Variants in TEK observed in about 807,000 individuals in gnomAD.
The protein encoded by TEK is TEK receptor tyrosine kinase, also known as angiopoietin-1 receptor.
A neutral mutation model predicts 131.8 loss-of-function variants in TEK; 43 were observed. The ratio of observed to expected loss-of-function variants is 0.33; its 90% confidence interval spans 0.26 to 0.42. The LOEUF is 0.42. Ranked by LOEUF, TEK falls within the 10% of genes least tolerant of loss-of-function variation. The pLI, the probability that TEK is intolerant of heterozygous loss-of-function variation, is 1.00. For synonymous variants in TEK, 580 were observed against 491.6 expected, an observed-to-expected ratio of 1.18 and a Z score of -2.38; for missense variants, 1,162 against 1,384.4, an observed-to-expected ratio of 0.84 and a Z score of 2.55.
chr9:27,179,436 A>G (rs1399359522), intron 6 of TEK, among the ~76,000 whole-genome samples: 1 of 152,174 alleles, frequency 6.6e-6, no homozygotes, highest in African/African-American at 2.4e-5. Context: ...GAGTCATCAC[A>G]GTTGGTCTCT....
intron 1 of TEK, among the ~76,000 whole-genome samples, chr9:27,138,576 A>C (rs1268258549): frequency 6.6e-6 from 1 of 152,194 alleles, no homozygotes; most frequent in Non-Finnish European, 1.5e-5. Flanking sequence ...TTCACCTCTC[A>C]CTTTTAAAAC....
At chr9:27,133,360 T>C (rs978272064) in intron 1 of TEK, among the ~76,000 whole-genome samples, 1 of 152,224 alleles carries the variant, frequency 6.6e-6, no homozygotes, top group Admixed American at 6.5e-5. Context: ...TTTCAAAATG[T>C]CGTGTACTTC....
At chr9:27,217,121 C>A (rs1299630588) in intron 18 of TEK, among the ~76,000 whole-genome samples, 1 of 152,198 alleles carries the variant, frequency 6.6e-6, no homozygotes, top group East Asian at 1.9e-4. Context: ...ACATAAACTA[C>A]ACTAGCTACA....
intron 1 of TEK, among the ~76,000 whole-genome samples, chr9:27,135,292 C>G (rs572437525): frequency 8.6e-5 from 13 of 151,798 alleles, no homozygotes; most frequent in African/African-American, 3.1e-4. Flanking sequence ...CATTAGCCCA[C>G]CCTTAGACCT....
intron 16 of TEK, among the ~76,000 whole-genome samples, chr9:27,211,993 T>TAA (rs771506750): frequency 0.21 from 30,650 of 143,362 alleles, 3,472 homozygotes; most frequent in East Asian, 0.48. Flanking sequence ...AACGTTTTAT[T>TAA]AAAAAAAAAA....
At chr9:27,125,489 G>A (rs1004754921) in intron 1 of TEK, among the ~76,000 whole-genome samples, 2 of 152,100 alleles carry the variant, frequency 1.3e-5, no homozygotes, top group Non-Finnish European at 2.9e-5. Flanking sequence ...TCTTTCTAAT[G>A]AAACTCATGG....
intron 2 of TEK, among the ~76,000 whole-genome samples, chr9:27,165,068 G>A (rs1823677066): frequency 6.6e-6 from 1 of 152,138 alleles, no homozygotes; most frequent in African/African-American, 2.4e-5. Context: ...TCATGCAGAG[G>A]TAAACTCTGG....
At chr9:27,201,236 T>C (rs1825202415) in intron 12 of TEK, among the ~76,000 whole-genome samples, 1 of 115,300 alleles carries the variant, frequency 8.7e-6, no homozygotes, top group Non-Finnish European at 2.0e-5. Flanking sequence ...CTTTCAGGCA[T>C]AAAATGGTAA....
chr9:27,220,232 G>C (rs73643160), intron 21 of TEK, 87 bp downstream of exon 21: 1 of 1,249,428 alleles, frequency 8.0e-7, no homozygotes, highest in Non-Finnish European at 1.2e-6. Context: ...AAGTCAGCCG[G>C]TATACACTAT....
chr9:27,222,277 G>A (rs1369103843), intron 21 of TEK, among the ~76,000 whole-genome samples: 1 of 152,132 alleles, frequency 6.6e-6, no homozygotes, highest in Non-Finnish European at 1.5e-5. Flanking sequence ...GAACCAAGTT[G>A]GAAAACCCTC....
At chr9:27,185,247 C>G (rs1450780790) in intron 8 of TEK, among the ~76,000 whole-genome samples, 1 of 152,082 alleles carries the variant, frequency 6.6e-6, no homozygotes, top group South Asian at 2.1e-4. Flanking sequence ...GTGTTTACCC[C>G]GTACTCCTAA....
rs145165405 is a variant in TEK at position 27,204,071 on chromosome 9, G to T, written c.2210-840G>T. Among the ~76,000 whole-genome samples the T allele has an allele frequency of 5.6e-3, 845 of 152,206 alleles. 6 individuals are homozygous for T. Among genetic ancestry groups the T allele is most frequent in the African/African-American group, 0.019 (777 of 41,540 alleles). On this transcript the variant is annotated intron_variant, in intron 13 of 22. Transcript: ENST00000380036. ...TTTTTGTAATTACTTGTGTTTTGGC[G>T]AAATGTAACTTCCTAAATTCAAGCT...
intron 2 of TEK, among the ~76,000 whole-genome samples, chr9:27,164,942 A>G (rs12237050): frequency 0.019 from 2,871 of 152,324 alleles, 62 homozygotes; most frequent in South Asian, 0.085. Flanking sequence ...CATAACATCA[A>G]TATATGTGTA....
At chr9:27,138,252 G>A (rs895770997) in intron 1 of TEK, among the ~76,000 whole-genome samples, 1 of 152,222 alleles carries the variant, frequency 6.6e-6, no homozygotes, top group Non-Finnish European at 1.5e-5. Flanking sequence ...GCCGCTGCTG[G>A]CTCAGGTGGC....
At chr9:27,219,769 A>G (rs1415968813) in intron 20 of TEK, among the ~76,000 whole-genome samples, 1 of 138,020 alleles carries the variant, frequency 7.2e-6, no homozygotes, top group Admixed American at 7.2e-5. Context: ...GGTTAATCTT[A>G]TTGGTATAAT....
At chr9:27,212,022 T>C (rs1825653320) in intron 16 of TEK, among the ~76,000 whole-genome samples, 1 of 151,270 alleles carries the variant, frequency 6.6e-6, no homozygotes, top group African/African-American at 2.4e-5. Flanking sequence ...AGAAATGATG[T>C]GGAACAAAAA....
intron 11 of TEK, among the ~76,000 whole-genome samples, chr9:27,194,891 A>C (rs1038150246): frequency 1.2e-4 from 18 of 152,142 alleles, no homozygotes; most frequent in African/African-American, 4.3e-4. Context: ...GGGAAGGAAG[A>C]GAACACTTTC....
chr9:27,116,642 T>C (rs1017569642), intron 1 of TEK, among the ~76,000 whole-genome samples: 76 of 152,070 alleles, frequency 5.0e-4, no homozygotes, highest in African/African-American at 1.6e-3. Flanking sequence ...AGGAAGGGGA[T>C]TGGGCAAGAG....
intron 12 of TEK, among the ~76,000 whole-genome samples, chr9:27,201,434 TG>T (rs1464325363): frequency 6.6e-6 from 1 of 152,178 alleles, no homozygotes; most frequent in East Asian, 1.9e-4. Flanking sequence ...CTGAAAATGT[TG>T]GTATTTCTAT....
Sources: gnomAD v4.1 joint callset for allele counts (sites outside exome capture counted in the v4.1 genomes callset) on GRCh38, gnomAD v4.1.1 for gene constraint, MANE v1.5 for transcripts, NCBI Gene and HGNC (gene_info 2026-07-23, HGNC 2026-07-21) for gene names.